CCNI: variants seen among roughly 807,000 people sequenced by gnomAD.
The protein encoded by CCNI is cyclin I.
In CCNI, 14 loss-of-function variants were observed where a neutral mutation model predicts 34.1. That is an observed-to-expected ratio of 0.41 (90% CI 0.27 to 0.64). The LOEUF (loss-of-function observed/expected upper bound fraction) is 0.64, where lower values mean the gene tolerates loss of function less well. Among genes scored for constraint, CCNI ranks in the 30% least tolerant of loss-of-function variants. The pLI is 0.31. For missense variants in CCNI, 385 were observed against 440.5 expected, an observed-to-expected ratio of 0.87 and a Z score of 1.13; for synonymous variants, 154 against 158.4, an observed-to-expected ratio of 0.97 and a Z score of 0.21.
rs751585415 is a variant in CCNI at position 77,055,288 on chromosome 4, T to C, written c.552A>G (p.Gln184=). The change falls in exon 6 of 7, where the codon CAA becomes CAG. Residue 184 remains glutamine (Q), a synonymous_variant. Transcript: ENST00000237654. Reference sequence around the variant, plus strand: ...GGTTGCAGGCCATACAGTGAAGTAGTTGCTTGGTAAGGACTGCCAAATGTT... The same window carrying C: ...GGTTGCAGGCCATACAGTGAAGTAGCTGCTTGGTAAGGACTGCCAAATGTT... ...PSQHLAVLTK[Q]LLHCMACNQL... is the part of the protein sequence containing the mutation. 40 of 1,614,070 alleles carry C rather than the reference T, an allele frequency of 2.5e-5. No individual in the cohort carries two copies. The Middle Eastern group carries it at 6.6e-4, about 27-fold the overall frequency.
Position 77,071,515 on chromosome 4 carries a change from T to G in CCNI, c.-44+3957A>C, listed in dbSNP as rs544962318. On this transcript the variant is annotated intron_variant, in intron 1 of 6. Coordinates refer to ENST00000237654, the MANE Select transcript of CCNI (RefSeq NM_006835.3). ...AAATACTAAATATTAGAATGGAAAT[T>G]AATGAAGTAGAGAATACAAAAACAG... 9.9e-5 allele frequency among the ~76,000 whole-genome samples: 15 copies of G among 152,160 alleles called. No individual in the cohort carries two copies. The South Asian group carries it at 2.9e-3, about 29-fold the overall frequency.
At chr4:77,056,218 G>T in intron 4 of CCNI, 31 bp downstream of exon 4, 1 of 1,600,166 alleles carries the variant, frequency 6.2e-7, no homozygotes, top group Non-Finnish European at 8.5e-7. Flanking sequence ...AATTTTCACG[G>T]AAGAAACATT....
intron 1 of CCNI, 105 bp downstream of exon 1, chr4:77,075,367 A>ACGGGCGCTGCC: frequency 3.4e-6 from 1 of 294,526 alleles, no homozygotes. Context: ...GCGCGCGGCC[A>ACGGGCGCTGCC]AGGGCGCTGC....
chr4:77,051,927 G>T (rs1324504401), intron 6 of CCNI, among the ~76,000 whole-genome samples: 1 of 151,518 alleles, frequency 6.6e-6, no homozygotes, highest in Non-Finnish European at 1.5e-5. Flanking sequence ...AGAACCAGGA[G>T]ACTGGTGGGG....
At position 77,048,274 on chromosome 4, in the gene CCNI, C is replaced by G; in HGVS notation, c.1079G>C (p.Arg360Thr). 6.2e-7 allele frequency: 1 copy of G among 1,614,096 alleles called. No homozygotes were observed. The highest frequency in any genetic ancestry group is 1.1e-5 in the South Asian group (1 of 91,080). ...ACAAGGGGAAGCATGTCCCTCTTGT[C>G]TTGATAAATCAGTGCCACACACAGA... The part of the protein sequence containing the change: ...VGSVCGTDLS[R>T]QEGHASPCPP... The change falls in exon 7 of 7, where the codon AGA (arginine) becomes ACA (threonine). Residue 360 changes from arginine (R) to threonine (T), a missense_variant. Physicochemically the swap from Arg to Thr is moderately conservative, Grantham distance 71. Transcript: ENST00000237654.
At chr4:77,052,078 A>G (rs958022369) in intron 6 of CCNI, among the ~76,000 whole-genome samples, 9 of 151,786 alleles carry the variant, frequency 5.9e-5, no homozygotes, top group African/African-American at 2.2e-4. Context: ...CCAGGTAGTG[A>G]GCACAGTACC....
In CCNI at chr4:77,055,641, A is replaced by G. The variant is rs536031452; in HGVS notation, c.460-261T>C. ...GCCACCATGCCCGGCTAATTTTTGTATTTTTAGTAGAGACAGGGTTTCACC... is the reference window on the plus strand; with the variant it reads ...GCCACCATGCCCGGCTAATTTTTGTGTTTTTAGTAGAGACAGGGTTTCACC... On this transcript the variant is annotated intron_variant, in intron 5 of 6. Coordinates refer to ENST00000237654, the MANE Select transcript of CCNI (RefSeq NM_006835.3). Among the ~76,000 whole-genome samples the G allele has an allele frequency of 2.0e-5, 3 of 151,940 alleles. No individual in the cohort carries two copies. The East Asian group carries it at 5.8e-4, about 29-fold the overall frequency.
chr4:77,057,968 A>AT (rs1356044043), intron 3 of CCNI, among the ~76,000 whole-genome samples: 1 of 152,250 alleles, frequency 6.6e-6, no homozygotes, highest in African/African-American at 2.4e-5. Context: ...GAGATAAAAA[A>AT]TTTCATAGGC....
rs1291669684 is a variant in CCNI, at chr4:77,058,576, T to C, written c.174A>G (p.Gln58=). 8 of 1,613,340 alleles carry C rather than the reference T, an allele frequency of 5.0e-6. No individual in the cohort carries two copies. The South Asian group carries it at 5.5e-5, about 11-fold the overall frequency. The change falls in exon 3 of 7, where the codon CAA becomes CAG. Residue 58 remains glutamine (Q), a synonymous_variant. Coordinates refer to ENST00000237654, the MANE Select transcript of CCNI (RefSeq NM_006835.3). ...VIQWLAKLKY[Q]FNLYPETFAL... is the part of the protein sequence containing the mutation. ...CAAATGTTTCTGGGTAAAGGTTGAA[T>C]TGGTACTTGAGTTTGGCCAGCCATT... is the stretch of plus-strand genomic sequence containing the variant.
intron 1 of CCNI, among the ~76,000 whole-genome samples, chr4:77,067,325 C>T (rs999163962): frequency 1.3e-5 from 2 of 152,014 alleles, no homozygotes; most frequent in African/African-American, 4.8e-5. Context: ...CTATATCGGA[C>T]AGTGCACAAA....
intron 6 of CCNI, among the ~76,000 whole-genome samples, chr4:77,049,981 C>T (rs1309549188): frequency 6.6e-6 from 1 of 152,086 alleles, no homozygotes; most frequent in Non-Finnish European, 1.5e-5. Flanking sequence ...CCAATGCCTA[C>T]CAGAAATAAG....
chr4:77,052,474 C>T (rs963053217), intron 6 of CCNI, among the ~76,000 whole-genome samples: 1 of 152,056 alleles, frequency 6.6e-6, no homozygotes, highest in Non-Finnish European at 1.5e-5. Context: ...ACAGGTGGCG[C>T]AAGAGCTTAA....
chr4:77,048,786 C>G, intron 6 of CCNI, 124 bp from the exon 7 acceptor site: 1 of 554,898 alleles, frequency 1.8e-6, no homozygotes, highest in Non-Finnish European at 3.0e-6. Context: ...TTTCTCTCCC[C>G]ACATCTACCT....
In CCNI at chr4:77,075,455, C is replaced by T; in HGVS notation, c.-44+17G>A. 1.4e-6 allele frequency: 1 copy of T among 714,002 alleles called. No homozygotes were observed. The highest frequency in any genetic ancestry group is 2.0e-5 in the African/African-American group (1 of 51,036). The allele number at this position is 714,002 out of a possible 1,614,324, so 44.2% of individuals were successfully genotyped here. On this transcript the variant is annotated intron_variant, in intron 1 of 6. Transcript: ENST00000237654. ...GCGGAGACGCGTCGAGCCCCCGCCCCCGCCCCCGCCCCTCACCTTCTCCTC... is the reference window on the plus strand; with the variant it reads ...GCGGAGACGCGTCGAGCCCCCGCCCTCGCCCCCGCCCCTCACCTTCTCCTC...
chr4:77,052,261 A>T (rs1337182919), intron 6 of CCNI, among the ~76,000 whole-genome samples: 3 of 152,090 alleles, frequency 2.0e-5, no homozygotes, highest in African/African-American at 7.2e-5. Context: ...AATGGCCTCC[A>T]GCTGCATCCA....
At chr4:77,070,172 C>T (rs1191366042) in intron 1 of CCNI, among the ~76,000 whole-genome samples, 1 of 151,942 alleles carries the variant, frequency 6.6e-6, no homozygotes, top group Non-Finnish European at 1.5e-5. Flanking sequence ...CACACACCAC[C>T]ACACATGGCT....
At position 77,075,444 on chromosome 4, in the gene CCNI, A is replaced by AGCCCCC. The variant is rs559043587; in HGVS notation, c.-44+22_-44+27dup. 6,643 of 772,472 alleles carry AGCCCCC rather than the reference A, an allele frequency of 8.6e-3. 292 individuals carry two copies. In the East Asian group the frequency reaches 0.091, roughly 11 times the overall value. 47.9% of individuals were successfully genotyped at this position (772,472 alleles called of 1,614,324 possible). A position where few individuals can be genotyped will look rare whatever the true frequency, so the allele number is the denominator to read the frequency against. ...CGACGCCGGCCGCGGAGACGCGTCG[A>AGCCCCC]GCCCCCGCCCCCGCCCCCGCCCCTC... On this transcript the variant is annotated intron_variant, in intron 1 of 6. Coordinates refer to ENST00000237654, the MANE Select transcript of CCNI (RefSeq NM_006835.3).
In CCNI at chr4:77,056,110, A is replaced by AAGCAAAGGGGAAC; in HGVS notation, c.319-21_319-9dup. 1 of 1,612,346 alleles carries AAGCAAAGGGGAAC rather than the reference A, an allele frequency of 6.2e-7. No homozygotes were observed. Among genetic ancestry groups the AAGCAAAGGGGAAC allele is most frequent in the South Asian group, 1.1e-5 (1 of 90,764 alleles). On this transcript the variant is annotated splice_polypyrimidine_tract_variant and intron_variant, in intron 4 of 6. Coordinates refer to ENST00000237654, the MANE Select transcript of CCNI (RefSeq NM_006835.3). Reference sequence around the variant, plus strand: ...CTTTAGTACTGGAATTCTCTATCCAAAGCAAAGGGGAACAGGGACAGGGAG... The same window carrying AAGCAAAGGGGAAC: ...CTTTAGTACTGGAATTCTCTATCCAAAGCAAAGGGGAACAGCAAAGGGGAACAGGGACAGGGAG...
intron 2 of CCNI, among the ~76,000 whole-genome samples, chr4:77,063,107 G>A (rs1328614171): frequency 2.6e-5 from 4 of 152,068 alleles, no homozygotes; most frequent in African/African-American, 9.7e-5. Context: ...GAAGGTGAGT[G>A]ACAGCTGCAT....
Sources: gnomAD v4.1 joint callset for allele counts (sites outside exome capture counted in the v4.1 genomes callset) on GRCh38, gnomAD v4.1.1 for gene constraint, MANE v1.5 for transcripts, NCBI Gene and HGNC (gene_info 2026-07-23, HGNC 2026-07-21) for gene names.